The following RIMS2 variants were observed in gnomAD, a reference collection of about 807,000 sequenced individuals.
RIMS2 encodes regulating synaptic membrane exocytosis protein 2.
Under a neutral mutation model 174.4 loss-of-function variants are expected in RIMS2, and 59 were observed. The ratio of observed to expected loss-of-function variants is 0.34; its 90% CI spans 0.27 to 0.42. The LOEUF is 0.42. Ranked by LOEUF, RIMS2 falls within the 10% of genes least tolerant of loss-of-function variation. The probability of loss-of-function intolerance (pLI) is 1.00; values close to 1 mark genes in which losing one functional copy is unlikely to be tolerated. For synonymous variants in RIMS2, 606 were observed against 572.5 expected (o/e 1.06, Z -0.84); for missense variants, 1,620 against 1,666.3 (o/e 0.97, Z 0.48).
At chr8:103,864,775 ATAGAGT>A (rs1321656327) in intron 3 of RIMS2, among the ~76,000 whole-genome samples, 1 of 152,214 alleles carries the variant, frequency 6.6e-6, no homozygotes, top group African/African-American at 2.4e-5. Context: ...ACTAACAGTC[ATAGAGT>A]TAGAGCACTA....
At chr8:103,810,339 A>G (rs1469988849) in intron 3 of RIMS2, among the ~76,000 whole-genome samples, 3 of 152,196 alleles carry the variant, frequency 2.0e-5, no homozygotes. Flanking sequence ...GAAGGTAGGC[A>G]GTGGAAGAGA....
At chr8:103,816,197 G>A (rs1366217638) in intron 3 of RIMS2, among the ~76,000 whole-genome samples, 2 of 152,096 alleles carry the variant, frequency 1.3e-5, no homozygotes, top group African/African-American at 4.8e-5. Flanking sequence ...GGTTACTCTT[G>A]TATTTATGAC....
intron 1 of RIMS2, among the ~76,000 whole-genome samples, chr8:103,617,733 G>A (rs563641482): frequency 6.4e-4 from 98 of 152,152 alleles, no homozygotes; most frequent in Admixed American, 2.6e-3. Context: ...ATGTATATGC[G>A]GTCAACAGGC....
intron 4 of RIMS2, among the ~76,000 whole-genome samples, chr8:103,886,793 A>C (rs2099205069): frequency 6.6e-6 from 1 of 151,712 alleles, no homozygotes; most frequent in Non-Finnish European, 1.5e-5. Context: ...GATTTTTTTC[A>C]AGCCATTAGA....
intron 3 of RIMS2, among the ~76,000 whole-genome samples, chr8:103,840,275 A>G (rs1007764781): frequency 2.0e-5 from 3 of 152,192 alleles, no homozygotes; most frequent in African/African-American, 7.2e-5. Flanking sequence ...GTTTGTGGCT[A>G]TCATGATATT....
chr8:103,927,273 A>G (rs1340824238), intron 10 of RIMS2, among the ~76,000 whole-genome samples: 1 of 151,534 alleles, frequency 6.6e-6, no homozygotes, highest in Non-Finnish European at 1.5e-5. Flanking sequence ...TCAACTAATT[A>G]GTCCAACGTA....
At chr8:104,223,380 A>G (rs2099165413) in intron 19 of RIMS2, 2 of 1,220,552 alleles carry the variant, frequency 1.6e-6, no homozygotes, top group Non-Finnish European at 2.0e-6. Flanking sequence ...CTCCCGGGCG[A>G]GACCTCGGAC....
intron 3 of RIMS2, among the ~76,000 whole-genome samples, chr8:103,773,377 GA>G (rs1290422944): frequency 3.3e-5 from 5 of 152,156 alleles, no homozygotes; most frequent in African/African-American, 1.2e-4. Context: ...AAAAAAATAT[GA>G]ATTGCTAGTA....
intron 1 of RIMS2, among the ~76,000 whole-genome samples, chr8:103,604,182 G>A (rs1287455670): frequency 6.6e-6 from 1 of 150,672 alleles, no homozygotes; most frequent in African/African-American, 2.4e-5. Context: ...TGTATAAGGT[G>A]TAAGGAAGGG....
rs539590350 is a variant in RIMS2, at chr8:104,116,627, T to C, written c.3334+102012T>C. ...AGTGAGTTAGGCTGAGTTTTGTACC[T>C]TCAGCTAGTAGTTTTAAAACTTGGG... On this transcript the variant is annotated intron_variant, in intron 19 of 23. Coordinates refer to ENST00000504942, the Ensembl canonical transcript of RIMS2. Among the ~76,000 whole-genome samples, 6 of 152,286 alleles carry C rather than the reference T, an allele frequency of 3.9e-5. No homozygotes were observed. The South Asian group carries it at 1.2e-3, about 32-fold the overall frequency.
chr8:103,829,172 CA>C (rs2098810379), intron 3 of RIMS2, among the ~76,000 whole-genome samples: 1 of 149,032 alleles, frequency 6.7e-6, no homozygotes, highest in Admixed American at 6.8e-5. Context: ...TAGAGAAATG[CA>C]AAGCAAAACC....
intron 10 of RIMS2, 182 bp downstream of exon 13, chr8:103,921,966 T>G: frequency 2.7e-6 from 1 of 368,938 alleles, no homozygotes; most frequent in Non-Finnish European, 4.9e-6. Flanking sequence ...CTTCATTTAT[T>G]AAGAGTTAGA....
At chr8:103,844,633 A>G (rs2098958460) in intron 3 of RIMS2, among the ~76,000 whole-genome samples, 1 of 152,158 alleles carries the variant, frequency 6.6e-6, no homozygotes, top group Non-Finnish European at 1.5e-5. Context: ...TTTGTTAGTA[A>G]CTTTCTTTGT....
chr8:103,716,700 A>G (rs1008575476), intron 2 of RIMS2, among the ~76,000 whole-genome samples: 2 of 152,164 alleles, frequency 1.3e-5, no homozygotes, highest in Admixed American at 6.5e-5. Flanking sequence ...CTTCTGACTT[A>G]GTATAAAGAT....
At chr8:103,703,961 A>G (rs996008930) in intron 2 of RIMS2, among the ~76,000 whole-genome samples, 1 of 151,926 alleles carries the variant, frequency 6.6e-6, no homozygotes, top group African/African-American at 2.4e-5. Flanking sequence ...CCTTTCCAAT[A>G]TTAATGCCTT....
chr8:103,620,511 T>C (rs957168409), intron 1 of RIMS2, among the ~76,000 whole-genome samples: 9 of 152,158 alleles, frequency 5.9e-5, no homozygotes, highest in Non-Finnish European at 1.3e-4. Context: ...AAACCTGTTT[T>C]TTATCCATCA....
chr8:103,612,295 A>T (rs896288964), intron 1 of RIMS2, among the ~76,000 whole-genome samples: 3 of 151,952 alleles, frequency 2.0e-5, no homozygotes, highest in African/African-American at 7.3e-5. Context: ...CTGGTGCCTT[A>T]TTTAGCTTGT....
At chr8:104,208,842 G>A (rs2099092789) in intron 19 of RIMS2, among the ~76,000 whole-genome samples, 1 of 152,166 alleles carries the variant, frequency 6.6e-6, no homozygotes, top group Admixed American at 6.5e-5. Context: ...CAGCCTGATA[G>A]ACACTTTTAA....
exon 14 of RIMS2, chr8:103,942,806 G>A (rs774879585): frequency 2.5e-6 from 4 of 1,612,666 alleles, no homozygotes; most frequent in Non-Finnish European, 3.4e-6. Context: ...ATTATTAGAT[G>A]ATGAGCCACA....
Sources: gnomAD v4.1 joint callset for allele counts (sites outside exome capture counted in the v4.1 genomes callset) on GRCh38, gnomAD v4.1.1 for gene constraint, MANE v1.5 for transcripts, NCBI Gene and HGNC (gene_info 2026-07-23, HGNC 2026-07-21) for gene names.